PDZRN4: variants seen among roughly 807,000 people sequenced by gnomAD.
PDZRN4 encodes PDZ domain-containing RING finger protein 4.
A neutral mutation model predicts 99.0 loss-of-function variants in PDZRN4; 70 were observed. That is an observed-to-expected ratio of 0.71 (90% CI 0.58 to 0.86). The LOEUF (loss-of-function observed/expected upper bound fraction) is 0.86. Among genes scored for constraint, PDZRN4 ranks in the 40% least tolerant of loss-of-function variants. The pLI is 0.00. For missense variants in PDZRN4, 1,474 were observed against 1,331.2 expected, an observed-to-expected ratio of 1.11 and a Z score of -1.67; for synonymous variants, 551 against 501.6, an observed-to-expected ratio of 1.10 and a Z score of -1.32.
intron 3 of PDZRN4, among the ~76,000 whole-genome samples, chr12:41,196,531 CT>C (rs1266108744): frequency 1.3e-5 from 2 of 152,120 alleles, no homozygotes; most frequent in African/African-American, 2.4e-5. Flanking sequence ...ATAAATTGCT[CT>C]TGCTTAGTTG....
At chr12:41,442,557 C>T (rs1302955783) in intron 3 of PDZRN4, among the ~76,000 whole-genome samples, 1 of 152,118 alleles carries the variant, frequency 6.6e-6, no homozygotes, top group Non-Finnish European at 1.5e-5. Context: ...TCTGCAGCCT[C>T]TTTAGAATTA....
chr12:41,462,068 C>T (rs768409139), intron 3 of PDZRN4, among the ~76,000 whole-genome samples: 4 of 152,178 alleles, frequency 2.6e-5, no homozygotes, highest in Non-Finnish European at 5.9e-5. Flanking sequence ...TATGCGATAT[C>T]TATCTCTTCT....
intron 6 of PDZRN4, among the ~76,000 whole-genome samples, chr12:41,555,089 G>T (rs1292566627): frequency 6.7e-6 from 1 of 148,736 alleles, no homozygotes; most frequent in Non-Finnish European, 1.5e-5. Flanking sequence ...AAATTAGCCA[G>T]GCGTGGTGGC....
chr12:41,196,000 T>A (rs1191722710), intron 3 of PDZRN4, among the ~76,000 whole-genome samples: 1 of 152,134 alleles, frequency 6.6e-6, no homozygotes, highest in African/African-American at 2.4e-5. Context: ...AAATAACTTA[T>A]TCTAGCTAGA....
chr12:41,376,469 T>C (rs1952081487), intron 3 of PDZRN4, among the ~76,000 whole-genome samples: 1 of 152,136 alleles, frequency 6.6e-6, no homozygotes, highest in Non-Finnish European at 1.5e-5. Flanking sequence ...TTGTATTTTC[T>C]TTATGGTCAC....
At chr12:41,353,099 G>A (rs1440354468) in intron 3 of PDZRN4, among the ~76,000 whole-genome samples, 1 of 151,944 alleles carries the variant, frequency 6.6e-6, no homozygotes, top group Admixed American at 6.6e-5. Flanking sequence ...TGTTAATTAG[G>A]CACTTCTATT....
chr12:41,356,805 A>G (rs1401342844), intron 3 of PDZRN4, among the ~76,000 whole-genome samples: 3 of 151,972 alleles, frequency 2.0e-5, no homozygotes, highest in Non-Finnish European at 2.9e-5. Flanking sequence ...TCTTTGAACA[A>G]CTAAAGGGAA....
At chr12:41,219,964 A>G (rs2405775) in intron 3 of PDZRN4, among the ~76,000 whole-genome samples, 52 of 152,098 alleles carry the variant, frequency 3.4e-4, no homozygotes, top group Non-Finnish European at 4.0e-4. Flanking sequence ...GGGTAAATCC[A>G]TGGGAGTGCT....
In PDZRN4 at chr12:41,506,528, A is replaced by G. The variant is rs1239215838; in HGVS notation, c.916A>G (p.Ile306Val). The G allele has an allele frequency of 1.6e-5, 26 of 1,613,708 alleles. No individual in the cohort carries two copies. Among genetic ancestry groups the G allele is most frequent in the Non-Finnish European group, 2.2e-5 (26 of 1,179,838 alleles). The change falls in exon 4 of 10, where the codon ATT becomes GTT. Residue 306 changes from isoleucine to valine, a missense_variant. By Grantham distance (29) the Ile-to-Val change is conservative (BLOSUM62 3). Coordinates refer to ENST00000402685, the MANE Select transcript of PDZRN4 (RefSeq NM_001164595.2). ...VEAFRNAKEP[I>V]VVQVLRRTPL... is the part of the protein sequence containing the mutation. The stretch of plus-strand genomic sequence containing the variant: ...AGCTTTTCGCAATGCCAAGGAGCCC[A>G]TTGTGGTGCAGGTGTTAAGGCGAAC...
intron 5 of PDZRN4, among the ~76,000 whole-genome samples, chr12:41,515,488 A>G (rs1259310927): frequency 6.6e-6 from 1 of 152,066 alleles, no homozygotes; most frequent in Admixed American, 6.6e-5. Context: ...ACTGAATTGA[A>G]AACTGATCTG....
At chr12:41,352,823 G>C (rs888697005) in intron 3 of PDZRN4, among the ~76,000 whole-genome samples, 3 of 152,068 alleles carry the variant, frequency 2.0e-5, no homozygotes, top group Non-Finnish European at 2.9e-5. Context: ...ATAGCACATA[G>C]TCTTTATTGT....
Position 41,490,444 on chromosome 12 carries a change from GCAGA to G in PDZRN4, c.844-16009_844-16006del, listed in dbSNP as rs1227140547. Among the ~76,000 whole-genome samples, 3 of 152,042 alleles carry G rather than the reference GCAGA, an allele frequency of 2.0e-5. No individual in the cohort carries two copies. The East Asian group carries it at 5.8e-4, about 29-fold the overall frequency. On this transcript the variant is annotated intron_variant, in intron 3 of 9. Coordinates refer to ENST00000402685, the MANE Select transcript of PDZRN4 (RefSeq NM_001164595.2). Reference sequence around the variant, plus strand: ...GTGTCTAAATGGGCCGTAATTATTTGCAGACAAACATTGAAAGAAAATTATTTGG... The same window carrying G: ...GTGTCTAAATGGGCCGTAATTATTTGCAAACATTGAAAGAAAATTATTTGG...
In PDZRN4 at chr12:41,519,720, C is replaced by A. The variant is rs17129436; in HGVS notation, c.1203+9807C>A. 7.6e-3 allele frequency among the ~76,000 whole-genome samples: 1,156 copies of A among 152,104 alleles called. 51 individuals are homozygous for A. In the East Asian group the frequency reaches 0.14, roughly 18 times the overall value. Reference sequence around the variant, plus strand: ...TAGGGCCTAAAGAACAATTTCATGCCAGTTTTGTGCTTCATTTTCTTTTGA... The same window carrying A: ...TAGGGCCTAAAGAACAATTTCATGCAAGTTTTGTGCTTCATTTTCTTTTGA... On this transcript the variant is annotated intron_variant, in intron 5 of 9. Transcript: ENST00000402685.
In PDZRN4 at chr12:41,227,622, G is replaced by A. The variant is rs1951002919; in HGVS notation, c.843+33434G>A. Among the ~76,000 whole-genome samples, 3 of 152,014 alleles carry A rather than the reference G, an allele frequency of 2.0e-5. No individual in the cohort carries two copies. The South Asian group carries it at 6.2e-4, about 32-fold the overall frequency. On this transcript the variant is annotated intron_variant, in intron 3 of 9. Transcript: ENST00000402685. ...GGAGGTTGCAGTGTGTTAAGATCATGCCTTTGCACTCCATCCTTGACAACA... is the reference window on the plus strand; with the variant it reads ...GGAGGTTGCAGTGTGTTAAGATCATACCTTTGCACTCCATCCTTGACAACA...
rs1400118387 is a variant in PDZRN4, at chr12:41,572,427, GAGA to G, written c.1651_1653del (p.Lys551del). ...TGCAACATCCTCATCCAACAACCAT[GAGA>G]AGGACAGTGGAGTAGGACGTACAGA... On this transcript the variant is annotated inframe_deletion, in exon 10 of 10. Transcript: ENST00000402685. 3 of 1,613,978 alleles carry G rather than the reference GAGA, an allele frequency of 1.9e-6. No individual in the cohort carries two copies. Among genetic ancestry groups the G allele is most frequent in the Admixed American group, 1.7e-5 (1 of 60,006 alleles).
chr12:41,404,537 A>G (rs139626774), intron 3 of PDZRN4, among the ~76,000 whole-genome samples: 3 of 152,102 alleles, frequency 2.0e-5, no homozygotes, highest in African/African-American at 7.2e-5. Context: ...AACATTCCAC[A>G]CTCTTGGATT....
At chr12:41,327,954 T>C (rs1951720698) in intron 3 of PDZRN4, among the ~76,000 whole-genome samples, 1 of 152,162 alleles carries the variant, frequency 6.6e-6, no homozygotes. Context: ...TAAAATATTT[T>C]TAATTTTTTG....
chr12:41,537,303 A>G (rs1021813550), intron 5 of PDZRN4, among the ~76,000 whole-genome samples: 2 of 152,224 alleles, frequency 1.3e-5, no homozygotes. Context: ...CAAATGGGCA[A>G]TGAGCACTTC....
intron 3 of PDZRN4, among the ~76,000 whole-genome samples, chr12:41,329,742 T>C (rs1175501039): frequency 2.0e-5 from 3 of 152,122 alleles, no homozygotes. Flanking sequence ...TAATGAGTGT[T>C]GTTTCATCTG....
Sources: gnomAD v4.1 joint callset for allele counts (sites outside exome capture counted in the v4.1 genomes callset) on GRCh38, gnomAD v4.1.1 for gene constraint, MANE v1.5 for transcripts, NCBI Gene and HGNC (gene_info 2026-07-23, HGNC 2026-07-21) for gene names.